Variants in UBA6 observed in about 807,000 individuals in gnomAD.
UBA6 encodes the protein ubiquitin-like modifier-activating enzyme 6.
Under a neutral mutation model 148.3 loss-of-function variants are expected in UBA6, and 87 were observed. The observed-to-expected ratio is 0.59, with a 90% CI of 0.49 to 0.70. UBA6 has a LOEUF of 0.70. UBA6 is among the 30% of genes least tolerant of loss of function. UBA6 has a pLI of 0.00. For synonymous variants in UBA6, 376 were observed against 401.0 expected, an observed-to-expected ratio of 0.94 and a Z score of 0.75; for missense variants, 1,186 against 1,241.2, an observed-to-expected ratio of 0.96 and a Z score of 0.67.
chr4:67,685,749 G>A (rs1730541924), intron 2 of UBA6, among the ~76,000 whole-genome samples: 1 of 152,044 alleles, frequency 6.6e-6, no homozygotes, highest in South Asian at 2.1e-4. Flanking sequence ...GTGGGAGTGG[G>A]TTATATCTAA....
chr4:67,628,980 T>C, intron 27 of UBA6, 91 bp downstream of exon 27: 2 of 880,070 alleles, frequency 2.3e-6, no homozygotes, highest in Non-Finnish European at 3.8e-6. Context: ...GCAAGAACCA[T>C]TCATTGTGAT....
At position 67,635,489 on chromosome 4, in the gene UBA6, A is replaced by G. The variant is rs1404150569; in HGVS notation, c.1806T>C (p.Val602=). The G allele has an allele frequency of 6.2e-7, 1 of 1,611,868 alleles. No individual in the cohort carries two copies. Among genetic ancestry groups the G allele is most frequent in the Admixed American group, 1.7e-5 (1 of 60,008 alleles). Reference sequence around the variant, plus strand: ...AAGACTCAGTCAAATGCGGTACAATAACTTCAGTGTGTCCCTTAGTGCCCA... The same window carrying G: ...AAGACTCAGTCAAATGCGGTACAATGACTTCAGTGTGTCCCTTAGTGCCCA... ...GTMGTKGHTE[V]IVPHLTESYN... Residue 602 remains valine, a synonymous_variant, in exon 20 of 33, where the codon GTT becomes GTC. Transcript: ENST00000322244.
chr4:67,700,953 C>G lies in UBA6; in HGVS notation c.71+96G>C, dbSNP rs56201533. ...CCGGCTCTGCTCGGCCCCGCGGCCT[C>G]TCGGGCGCCCCCAGCCCGCCGGAAA... On this transcript the variant is annotated intron_variant, in intron 1 of 32. Transcript: ENST00000322244. 5.3e-5 allele frequency: 80 copies of G among 1,513,094 alleles called. No homozygotes were observed. In the African/African-American group the frequency reaches 7.3e-4, roughly 14 times the overall value. The allele number at this position is 1,513,094 out of a possible 1,614,324, so 93.7% of individuals were successfully genotyped here.
Position 67,639,033 on chromosome 4 carries a change from G to A in UBA6, c.1646C>T (p.Thr549Ile). 1 of 1,612,828 alleles carries A rather than the reference G, an allele frequency of 6.2e-7. No homozygotes were observed. The highest frequency in any genetic ancestry group is 8.5e-7 in the Non-Finnish European group (1 of 1,179,002). Residue 549 changes from threonine to isoleucine, a missense_variant, in exon 19 of 33, where the codon ACT (threonine) becomes ATT (isoleucine). Transcript: ENST00000322244. ...GAACTCATCATTGTAAATGGTCTCAGTGGTTGGACATACTTTGTTCAGGTG... is the reference window on the plus strand; with the variant it reads ...GAACTCATCATTGTAAATGGTCTCAATGGTTGGACATACTTTGTTCAGGTG... ...DAHLNKVCPT[T>I]ETIYNDEFYT...
intron 19 of UBA6, among the ~76,000 whole-genome samples, chr4:67,636,048 A>T (rs550296304): frequency 7.7e-4 from 117 of 152,280 alleles, no homozygotes; most frequent in African/African-American, 2.7e-3. Flanking sequence ...TCCCCTGTTA[A>T]TATATCTGCT....
At chr4:67,619,377 A>G (rs1728700454) in intron 32 of UBA6, among the ~76,000 whole-genome samples, 1 of 152,246 alleles carries the variant, frequency 6.6e-6, no homozygotes. Context: ...CAAACCATTT[A>G]TTAAAAGACA....
In UBA6 at chr4:67,625,185, C is replaced by T; in HGVS notation, c.2521G>A (p.Asp841Asn). The change falls in exon 29 of 33, where the codon GAC (aspartate) becomes AAC (asparagine). Residue 841 changes from aspartate to asparagine, a missense_variant and splice_region_variant. Asp to Asn is a conservative substitution (Grantham distance 23). Transcript: ENST00000322244. ...AATGAAAGCACTGCCATCTGAAGGT[C>T]ACCTGATTATACCAACCAGATAAAC... ...AILSNEATKSDLQMAVLSFEK... is the reference protein window; with the variant it reads ...AILSNEATKSNLQMAVLSFEK... 5 of 1,605,564 alleles carry T rather than the reference C, an allele frequency of 3.1e-6. No homozygotes were observed. The highest frequency in any genetic ancestry group is 3.4e-6 in the Non-Finnish European group (4 of 1,176,630).
At chr4:67,686,629 G>A (rs1179905951) in intron 2 of UBA6, among the ~76,000 whole-genome samples, 1 of 152,034 alleles carries the variant, frequency 6.6e-6, no homozygotes, top group Non-Finnish European at 1.5e-5. Flanking sequence ...GGAGTGAGAA[G>A]AAAAGAATTA....
chr4:67,682,497 T>C (rs554867605), intron 2 of UBA6, among the ~76,000 whole-genome samples: 1 of 152,280 alleles, frequency 6.6e-6, no homozygotes, highest in East Asian at 1.9e-4. Context: ...TGCTCCAGAT[T>C]TGCCACAATC....
At position 67,665,233 on chromosome 4, in the gene UBA6, C is replaced by T; in HGVS notation, c.853G>A (p.Gly285Arg). 6.2e-7 allele frequency: 1 copy of T among 1,606,806 alleles called. No homozygotes were observed. Reference sequence around the variant, plus strand: ...GTCTTAACTTGGACAGCTATGCCTCCATGTAAATATGGTTCCAGTTCTGTG... The same window carrying T: ...GTCTTAACTTGGACAGCTATGCCTCTATGTAAATATGGTTCCAGTTCTGTG... Reference protein sequence around the residue: ...DTTELEPYLHGGIAVQVKTPK... With the variant: ...DTTELEPYLHRGIAVQVKTPK... Residue 285 changes from glycine to arginine, a missense_variant, in exon 10 of 33, where the codon GGA becomes AGA. Physicochemically the swap from Gly to Arg is moderately radical, Grantham distance 125. Transcript: ENST00000322244.
intron 1 of UBA6, 96 bp from the exon 2 acceptor site, chr4:67,696,803 C>T (rs1730851276): frequency 1.2e-6 from 1 of 865,218 alleles, no homozygotes; most frequent in Non-Finnish European, 1.8e-6. Flanking sequence ...AAGGTTTTCA[C>T]AAACCAAACA....
At chr4:67,648,837 A>C (rs1729485167) in intron 14 of UBA6, among the ~76,000 whole-genome samples, 1 of 152,222 alleles carries the variant, frequency 6.6e-6, no homozygotes, top group Admixed American at 6.5e-5. Context: ...TATCACAACT[A>C]AGGGAAATAT....
chr4:67,647,921 G>A (rs772304983), intron 14 of UBA6, among the ~76,000 whole-genome samples: 4 of 151,070 alleles, frequency 2.6e-5, no homozygotes, highest in Non-Finnish European at 5.9e-5. Flanking sequence ...CTACAGGGGC[G>A]TGCCACCATG....
intron 4 of UBA6, among the ~76,000 whole-genome samples, chr4:67,680,525 C>T (rs1399264694): frequency 6.6e-6 from 1 of 152,174 alleles, no homozygotes; most frequent in Non-Finnish European, 1.5e-5. Flanking sequence ...AAACCAAGTT[C>T]AGTATACGAA....
chr4:67,622,823 ATACT>A lies in UBA6; in HGVS notation c.3023+4_3023+7del, dbSNP rs1728780106. On this transcript the variant is annotated splice_donor_5th_base_variant and intron_variant, in intron 32 of 32. Transcript: ENST00000322244. ...TGTTAATCGCTGCATATAATGTTGAATACTTACGTTAACTTCAATCTTTTTGCAT... is the reference window on the plus strand; with the variant it reads ...TGTTAATCGCTGCATATAATGTTGAATACGTTAACTTCAATCTTTTTGCAT... 6.3e-7 allele frequency: 1 copy of A among 1,597,852 alleles called. No individual in the cohort carries two copies. Among genetic ancestry groups the A allele is most frequent in the Non-Finnish European group, 8.5e-7 (1 of 1,170,928 alleles).
chr4:67,637,662 C>G (rs1008852755), intron 19 of UBA6, among the ~76,000 whole-genome samples: 5 of 152,032 alleles, frequency 3.3e-5, no homozygotes, highest in African/African-American at 4.8e-5. Context: ...CTCTCTGAAA[C>G]GTGTGCTGTG....
At chr4:67,694,747 T>C (rs1363956133) in intron 2 of UBA6, among the ~76,000 whole-genome samples, 3 of 152,222 alleles carry the variant, frequency 2.0e-5, no homozygotes, top group Non-Finnish European at 4.4e-5. Flanking sequence ...GTAACTCTTT[T>C]AGTATTCCCT....
chr4:67,691,541 C>A (rs1410108264), intron 2 of UBA6, among the ~76,000 whole-genome samples: 1 of 152,090 alleles, frequency 6.6e-6, no homozygotes, highest in African/African-American at 2.4e-5. Flanking sequence ...TTGAATATTG[C>A]AGGAAAAAGT....
At chr4:67,697,913 C>T (rs577314731) in intron 1 of UBA6, among the ~76,000 whole-genome samples, 195 of 152,290 alleles carry the variant, frequency 1.3e-3, no homozygotes, top group African/African-American at 4.3e-3. Flanking sequence ...CAGTGGATTT[C>T]CTTTACTCTT....
Sources: allele counts gnomAD v4.1 joint callset (sites outside exome capture counted in the v4.1 genomes callset), GRCh38; gene constraint gnomAD v4.1.1; transcripts MANE v1.5; gene names NCBI Gene and HGNC (gene_info 2026-07-23, HGNC 2026-07-21).